PPP1R36: variants seen among roughly 807,000 people sequenced by gnomAD.
PPP1R36 encodes chromosome 14 open reading frame 50.
In PPP1R36, 47 loss-of-function variants were observed where a neutral mutation model predicts 53.4. The observed-to-expected ratio is 0.88, with a 90% CI of 0.70 to 1.12. PPP1R36 has a LOEUF of 1.12. PPP1R36 is among the 50% of genes most tolerant of loss of function. The pLI is 0.00. For synonymous variants in PPP1R36, 153 were observed against 170.5 expected, an observed-to-expected ratio of 0.90 and a Z score of 0.80; for missense variants, 456 against 513.9, an observed-to-expected ratio of 0.89 and a Z score of 1.09.
intron 5 of PPP1R36, 78 bp from the exon 6 acceptor site, chr14:64,565,548 C>A: frequency 7.0e-7 from 1 of 1,421,344 alleles, no homozygotes; most frequent in Non-Finnish European, 9.9e-7. Context: ...CATATAACAT[C>A]CATACATAAA....
intron 8 of PPP1R36, among the ~76,000 whole-genome samples, chr14:64,585,160 T>C (rs1396792801): frequency 6.6e-6 from 1 of 152,116 alleles, no homozygotes; most frequent in Non-Finnish European, 1.5e-5. Context: ...AGGATGGTTC[T>C]GGAGAGCCTG....
chr14:64,572,136 T>G (rs1004108053), intron 7 of PPP1R36, among the ~76,000 whole-genome samples: 1 of 152,194 alleles, frequency 6.6e-6, no homozygotes, highest in Non-Finnish European at 1.5e-5. Context: ...CATAAAAGTT[T>G]CCTCCTAATT....
intron 3 of PPP1R36, among the ~76,000 whole-genome samples, chr14:64,558,009 G>T (rs1017406203): frequency 6.6e-6 from 1 of 151,974 alleles, no homozygotes; most frequent in African/African-American, 2.4e-5. Flanking sequence ...AATAGAGAAA[G>T]AATGATTAGA....
At chr14:64,570,797 G>A (rs1162181702) in intron 7 of PPP1R36, among the ~76,000 whole-genome samples, 1 of 152,124 alleles carries the variant, frequency 6.6e-6, no homozygotes, top group Non-Finnish European at 1.5e-5. Flanking sequence ...GGATGGCAAC[G>A]GTACACTTAA....
rs2080318210 is a variant in PPP1R36, at chr14:64,573,453, G to A, written c.534-1002G>A. ...CTCAGTAGTGACATAGGGAACGCAGGGGAAGCTGAGGTACGTAGCCTCCAC... is the reference window on the plus strand; with the variant it reads ...CTCAGTAGTGACATAGGGAACGCAGAGGAAGCTGAGGTACGTAGCCTCCAC... On this transcript the variant is annotated intron_variant, in intron 7 of 11. Coordinates refer to ENST00000298705, the MANE Select transcript of PPP1R36 (RefSeq NM_172365.3). Among the ~76,000 whole-genome samples, 3 of 152,108 alleles carry A rather than the reference G, an allele frequency of 2.0e-5. No individual in the cohort carries two copies. In the South Asian group the frequency reaches 6.2e-4, roughly 32 times the overall value.
In PPP1R36 at chr14:64,562,376, G is replaced by A. The variant is rs555812201; in HGVS notation, c.183-2375G>A. Among the ~76,000 whole-genome samples, 324 of 152,080 alleles carry A rather than the reference G, an allele frequency of 2.1e-3. 1 individual carries two copies. Among genetic ancestry groups the A allele is most frequent in the African/African-American group, 7.4e-3 (307 of 41,470 alleles). ...CTTTGGAGGCTGAGGCAGGAGAATC[G>A]CTTGAACCCGGGATGAAGAGGTTGC... On this transcript the variant is annotated intron_variant, in intron 3 of 11. Transcript: ENST00000298705.
intron 8 of PPP1R36, among the ~76,000 whole-genome samples, chr14:64,582,121 C>T (rs550124571): frequency 6.6e-6 from 1 of 152,128 alleles, no homozygotes; most frequent in Non-Finnish European, 1.5e-5. Flanking sequence ...TAAATTATCC[C>T]TAAGCCCTAT....
At chr14:64,551,630 A>G (rs1295551675) in intron 2 of PPP1R36, 1 of 456,170 alleles carries the variant, frequency 2.2e-6, no homozygotes, top group East Asian at 6.9e-5. Flanking sequence ...TCCTCATTTT[A>G]TAGATGAAGA....
intron 3 of PPP1R36, 60 bp from the exon 4 acceptor site, chr14:64,564,691 G>T: frequency 8.9e-7 from 1 of 1,129,902 alleles, no homozygotes; most frequent in South Asian, 1.4e-5. Flanking sequence ...GCTATGATAT[G>T]ATTTGACTTG....
At chr14:64,588,391 G>T in intron 11 of PPP1R36, 96 bp downstream of exon 11, 1 of 1,108,120 alleles carries the variant, frequency 9.0e-7, no homozygotes, top group Non-Finnish European at 1.3e-6. Flanking sequence ...CTCTGCCAGG[G>T]AATCGAGCCA....
chr14:64,576,379 C>T lies in PPP1R36; in HGVS notation c.668+1790C>T, dbSNP rs541909321. Among the ~76,000 whole-genome samples, 15 of 152,256 alleles carry T rather than the reference C, an allele frequency of 9.9e-5. No individual in the cohort carries two copies. In the South Asian group the frequency reaches 3.1e-3, roughly 32 times the overall value. Reference sequence around the variant, plus strand: ...TACGGGCATGAGCCACGGCACTCCGCCCTAATTCGTTCTTTAGTTGGGTAG... The same window carrying T: ...TACGGGCATGAGCCACGGCACTCCGTCCTAATTCGTTCTTTAGTTGGGTAG... On this transcript the variant is annotated intron_variant, in intron 8 of 11. Coordinates refer to ENST00000298705, the MANE Select transcript of PPP1R36 (RefSeq NM_172365.3).
chr14:64,581,905 T>C (rs1457331772), intron 8 of PPP1R36, among the ~76,000 whole-genome samples: 3 of 152,226 alleles, frequency 2.0e-5, no homozygotes, highest in Non-Finnish European at 4.4e-5. Flanking sequence ...GTTTTCCAAG[T>C]TAGATATGAA....
At chr14:64,566,672 T>G (rs2080260201) in intron 6 of PPP1R36, among the ~76,000 whole-genome samples, 1 of 152,162 alleles carries the variant, frequency 6.6e-6, no homozygotes, top group African/African-American at 2.4e-5. Context: ...GAACGCTCAG[T>G]GAGAGTTGGG....
rs2080466684 is a variant in PPP1R36, at chr14:64,589,378, T to C, written c.*40T>C. On this transcript the variant is annotated 3_prime_UTR_variant, in exon 12 of 12. Coordinates refer to ENST00000298705, the MANE Select transcript of PPP1R36 (RefSeq NM_172365.3). ...TATCTCAAGTAAACTACTTTGACTT[T>C]ATAGAAGATGGTTATTCGTTGTTAT... 2 of 1,418,304 alleles carry C rather than the reference T, an allele frequency of 1.4e-6. No homozygotes were observed. The allele number at this position is 1,418,304 out of a possible 1,614,324, so 87.9% of individuals were successfully genotyped here. A position where few individuals can be genotyped will look rare whatever the true frequency, so the allele number is the denominator to read the frequency against.
At position 64,589,189 on chromosome 14, in the gene PPP1R36, C is replaced by T. The variant is rs911115443; in HGVS notation, c.1120C>T (p.Pro374Ser). ...GGGGGAGCCTCGATGTCTATTCAAC[C>T]CACATACGCTTCACCCCCTTGATCC... ...ILGEPRCLFN[P>S]HTLHPLDPEE... Residue 374 changes from proline (P) to serine (S), a missense_variant, in exon 12 of 12, where the codon CCA becomes TCA. Physicochemically the swap from Pro to Ser is moderately conservative, Grantham distance 74. Transcript: ENST00000298705. The T allele has an allele frequency of 4.3e-6, 7 of 1,613,696 alleles. No homozygotes were observed. The highest frequency in any genetic ancestry group is 5.9e-6 in the Non-Finnish European group (7 of 1,179,888).
At chr14:64,554,068 G>C (rs544916004) in intron 3 of PPP1R36, among the ~76,000 whole-genome samples, 1 of 150,844 alleles carries the variant, frequency 6.6e-6, no homozygotes, top group South Asian at 2.1e-4. Flanking sequence ...TTTTAGGTCA[G>C]AGCTGGTATT....
At chr14:64,588,650 T>A (rs1248568924) in intron 11 of PPP1R36, 1 of 188,200 alleles carries the variant, frequency 5.3e-6, no homozygotes, top group Non-Finnish European at 1.0e-5. Flanking sequence ...AACCTCTGCC[T>A]CCCGAGTTTA....
chr14:64,565,147 A>T lies in PPP1R36; in HGVS notation c.270-210A>T, dbSNP rs150819167. ...TGGATGGTATTTGTACTTACATTTT[A>T]TATCAGGCAGTGAACATCCCTCTTG... On this transcript the variant is annotated intron_variant, in intron 4 of 11. Coordinates refer to ENST00000298705, the MANE Select transcript of PPP1R36 (RefSeq NM_172365.3). 2.7e-4 allele frequency among the ~76,000 whole-genome samples: 41 copies of T among 152,340 alleles called. 2 individuals are homozygous for T. The East Asian group carries it at 7.7e-3, about 29-fold the overall frequency.
intron 3 of PPP1R36, among the ~76,000 whole-genome samples, chr14:64,564,131 T>C (rs993510715): frequency 1.3e-5 from 2 of 152,148 alleles, no homozygotes; most frequent in African/African-American, 4.8e-5. Flanking sequence ...AAACTCTGAG[T>C]TAAGTAAAAG....
Sources: gnomAD v4.1 joint callset for allele counts (sites outside exome capture counted in the v4.1 genomes callset) on GRCh38, gnomAD v4.1.1 for gene constraint, MANE v1.5 for transcripts, NCBI Gene and HGNC (gene_info 2026-07-23, HGNC 2026-07-21) for gene names.